AFF2: variants seen among roughly 807,000 people sequenced by gnomAD.
AFF2 encodes the protein ALF transcription elongation factor 2.
AFF2 carries 14 observed loss-of-function variants against 76.9 expected under a neutral mutation model. That is an observed-to-expected ratio of 0.18 (90% CI 0.12 to 0.28). The LOEUF is 0.28. Among genes scored for constraint, AFF2 ranks in the 10% least tolerant of loss-of-function variants. The probability of loss-of-function intolerance (pLI) is 1.00; values close to 1 mark genes in which losing one functional copy is unlikely to be tolerated. For synonymous variants in AFF2, 398 were observed against 366.7 expected (o/e 1.09, Z -0.98); for missense variants, 868 against 1,001.1 (o/e 0.87, Z 1.79).
chrX:148,736,615 T>TTA (rs1569554578), intron 3 of AFF2, among the ~76,000 whole-genome samples: 1 of 111,852 alleles, frequency 8.9e-6, no homozygotes, highest in Non-Finnish European at 1.9e-5. Flanking sequence ...AGCTCTCTAG[T>TTA]TTAATTAGGT....
At chrX:148,974,426 T>C (rs1280725907) in intron 16 of AFF2, among the ~76,000 whole-genome samples, 2 of 111,474 alleles carry the variant, frequency 1.8e-5, no homozygotes, top group Non-Finnish European at 1.9e-5. Flanking sequence ...TAAGCAGTTT[T>C]TTACCTGAAA....
chrX:148,994,682 T>C lies in AFF2; in HGVS notation c.*3350T>C, dbSNP rs1435886328. 1 of 112,577 alleles carries C rather than the reference T, an allele frequency of 8.9e-6. No individual in the cohort carries two copies. The highest frequency in any genetic ancestry group is 3.2e-5 in the African/African-American group (1 of 30,995). 9.3% of individuals were successfully genotyped at this position (112,577 alleles called of 1,213,427 possible). Reference sequence around the variant, plus strand: ...AATTTTCATTTGGACATTACATCACTAAATTCATTAGATTTTGTCTGCATT... The same window carrying C: ...AATTTTCATTTGGACATTACATCACCAAATTCATTAGATTTTGTCTGCATT... On this transcript the variant is annotated 3_prime_UTR_variant, in exon 21 of 21. Coordinates refer to ENST00000370460, the MANE Select transcript of AFF2 (RefSeq NM_002025.4).
chrX:148,846,030 C>T (rs2070662965), intron 7 of AFF2, among the ~76,000 whole-genome samples: 1 of 112,184 alleles, frequency 8.9e-6, no homozygotes, highest in African/African-American at 3.2e-5. Context: ...GGTCTGAAAA[C>T]ATTGGCCACA....
chrX:148,718,699 ATTT>A, intron 3 of AFF2, among the ~76,000 whole-genome samples: 1 of 110,822 alleles, frequency 9.0e-6, no homozygotes, highest in Non-Finnish European at 1.9e-5. Context: ...CATATTTATA[ATTT>A]TTTTTTATTT....
intron 10 of AFF2, among the ~76,000 whole-genome samples, chrX:148,954,086 C>T (rs782560276): frequency 3.6e-5 from 4 of 112,071 alleles, no homozygotes; most frequent in African/African-American, 1.3e-4. Context: ...CAATTCTGGC[C>T]TTGGGGACAC....
At chrX:148,670,149 G>A (rs1349900981) in intron 3 of AFF2, among the ~76,000 whole-genome samples, 1 of 111,979 alleles carries the variant, frequency 8.9e-6, no homozygotes, top group African/African-American at 3.3e-5. Flanking sequence ...GTAGTTGATA[G>A]TAATACAAAT....
chrX:148,581,018 A>C (rs1173943009), intron 1 of AFF2, among the ~76,000 whole-genome samples: 3 of 46,270 alleles, frequency 6.5e-5, no homozygotes, highest in African/African-American at 2.3e-4. Flanking sequence ...CCTACACACA[A>C]ACATATGTGT....
chrX:148,990,901 T>TCC (rs1172794016), intron 20 of AFF2, among the ~76,000 whole-genome samples: 1 of 112,247 alleles, frequency 8.9e-6, no homozygotes, highest in Non-Finnish European at 1.9e-5. Flanking sequence ...AGACCATGGC[T>TCC]CCCTACAATT....
chrX:148,873,269 G>A (rs1262857529), intron 7 of AFF2, among the ~76,000 whole-genome samples: 6 of 110,190 alleles, frequency 5.4e-5, no homozygotes, highest in Non-Finnish European at 9.5e-5. Flanking sequence ...ATAGGAGCCC[G>A]GCTATCTAAC....
chrX:148,880,401 C>G (rs782125125), intron 7 of AFF2, among the ~76,000 whole-genome samples: 1 of 111,473 alleles, frequency 9.0e-6, no homozygotes, highest in South Asian at 3.8e-4. Context: ...CTGAGTAATT[C>G]TAAACCAGTC....
intron 9 of AFF2, among the ~76,000 whole-genome samples, chrX:148,912,702 G>A (rs2071484385): frequency 8.9e-6 from 1 of 112,168 alleles, no homozygotes; most frequent in Non-Finnish European, 1.9e-5. Context: ...TCTTCTGTGT[G>A]GCTCCTATGT....
intron 2 of AFF2, among the ~76,000 whole-genome samples, chrX:148,660,443 A>G (rs1029522371): frequency 8.9e-6 from 1 of 111,942 alleles, no homozygotes; most frequent in Admixed American, 9.5e-5. Flanking sequence ...AGCCATCTGC[A>G]TATCCTCCCA....
chrX:148,955,040 A>G (rs2072016155), intron 10 of AFF2, among the ~76,000 whole-genome samples: 4 of 112,806 alleles, frequency 3.5e-5, no homozygotes, highest in Admixed American at 9.3e-5. Context: ...AGTGGTTTCT[A>G]TTTTTTGGAA....
At chrX:148,501,443 C>T (rs1274923851) in intron 1 of AFF2, among the ~76,000 whole-genome samples, 3 of 112,974 alleles carry the variant, frequency 2.7e-5, no homozygotes, top group Non-Finnish European at 5.6e-5. Context: ...ACCGCACGAC[C>T]TCCCAGGAGC....
intron 1 of AFF2, among the ~76,000 whole-genome samples, chrX:148,646,577 C>T (rs1030812865): frequency 8.9e-6 from 1 of 112,364 alleles, no homozygotes; most frequent in Non-Finnish European, 1.9e-5. Flanking sequence ...TTACAAACCA[C>T]AGATTTAAAG....
chrX:148,629,109 G>C (rs781912173), intron 1 of AFF2, among the ~76,000 whole-genome samples: 1 of 110,584 alleles, frequency 9.0e-6, no homozygotes, highest in Admixed American at 9.7e-5. Flanking sequence ...GTTTGTGTGT[G>C]TGTGTGTGTG....
chrX:148,709,378 G>GT (rs1557262702), intron 3 of AFF2, among the ~76,000 whole-genome samples: 2 of 111,550 alleles, frequency 1.8e-5, no homozygotes, highest in African/African-American at 6.5e-5. Flanking sequence ...ACCTGGAACA[G>GT]TCGTTGGCAC....
chrX:148,558,383 C>G (rs12559249), intron 1 of AFF2, among the ~76,000 whole-genome samples: 1 of 109,845 alleles, frequency 9.1e-6, no homozygotes, highest in African/African-American at 3.3e-5. Context: ...TTCTGTGGGC[C>G]CAAGTGTTTT....
In AFF2 at chrX:148,963,069, A is replaced by G. The variant is rs1431756901; in HGVS notation, c.2913+132A>G. On this transcript the variant is annotated intron_variant, in intron 13 of 20. Transcript: ENST00000370460. ...GAGAAGAAATATGAGAGGCCTGTGT[A>G]TACAAATACACAAACTTTCCATTAT... The G allele has an allele frequency of 6.5e-6, 3 of 462,978 alleles. No individual in the cohort carries two copies. The African/African-American group carries it at 7.3e-5, about 11-fold the overall frequency. The allele number at this position is 462,978 out of a possible 1,213,427, so 38.2% of individuals were successfully genotyped here.
Sources: gnomAD v4.1 joint callset for allele counts (sites outside exome capture counted in the v4.1 genomes callset) on GRCh38, gnomAD v4.1.1 for gene constraint, MANE v1.5 for transcripts, NCBI Gene and HGNC (gene_info 2026-07-23, HGNC 2026-07-21) for gene names.